Variants in GTF2A2 observed in about 807,000 individuals in gnomAD.
GTF2A2 encodes the protein general transcription factor IIA subunit 2, also known as transcription initiation factor IIA subunit 2.
In GTF2A2, 9 loss-of-function variants were observed where a neutral mutation model predicts 14.3. The observed-to-expected ratio is 0.63, with a 90% confidence interval of 0.38 to 1.10. The LOEUF is 1.10. Among genes scored for constraint, GTF2A2 ranks in the 50% least tolerant of loss-of-function variants. The pLI is 0.01. For synonymous variants in GTF2A2, 56 were observed against 46.0 expected (o/e 1.22, Z -0.88); for missense variants, 90 against 124.6 (o/e 0.72, Z 1.32).
chr15:59,640,703 T>C (rs1247610413), intron 4 of GTF2A2, among the ~76,000 whole-genome samples: 1 of 152,148 alleles, frequency 6.6e-6, no homozygotes, highest in East Asian at 1.9e-4. Context: ...CCCTGAATTC[T>C]ACAGACTAAT....
At chr15:59,653,186 G>A (rs1891845036) in intron 1 of GTF2A2, among the ~76,000 whole-genome samples, 1 of 152,096 alleles carries the variant, frequency 6.6e-6, no homozygotes, top group Admixed American at 6.5e-5. Context: ...AGACAGCTGG[G>A]CTTCAGTGCG....
rs1382504946 is a variant in GTF2A2 at position 59,638,727 on chromosome 15, G to C, written c.*405C>G. 2.0e-5 allele frequency: 3 copies of C among 152,532 alleles called. No individual in the cohort carries two copies. Among genetic ancestry groups the C allele is most frequent in the Admixed American group, 6.6e-5 (1 of 15,264 alleles). The allele number at this position is 152,532 out of a possible 1,614,324, so 9.4% of individuals were successfully genotyped here. A position where few individuals can be genotyped will look rare whatever the true frequency, so the allele number is the denominator to read the frequency against. ...TTTGCCCCTGCTGATGCTTTCATCA[G>C]GTAAAGTTACAACTGACAAAACATG... On this transcript the variant is annotated 3_prime_UTR_variant, in exon 5 of 5. Coordinates refer to ENST00000396060, the MANE Select transcript of GTF2A2 (RefSeq NM_004492.3).
intron 3 of GTF2A2, among the ~76,000 whole-genome samples, chr15:59,648,433 A>T (rs1394067759): frequency 6.6e-6 from 1 of 150,384 alleles, no homozygotes; most frequent in Non-Finnish European, 1.5e-5. Flanking sequence ...TAAATAAATA[A>T]ATAAAAGCCT....
At chr15:59,652,429 A>T in intron 1 of GTF2A2, 103 bp from the exon 2 acceptor site, 1 of 568,068 alleles carries the variant, frequency 1.8e-6, no homozygotes, top group South Asian at 2.2e-5. Context: ...GAACTAGGAG[A>T]ACGCTTAGTG....
intron 1 of GTF2A2, among the ~76,000 whole-genome samples, chr15:59,654,528 A>G (rs1891887319): frequency 6.6e-6 from 1 of 152,184 alleles, no homozygotes; most frequent in South Asian, 2.1e-4. Context: ...TGAAGCTAAC[A>G]TATATATGCT....
chr15:59,647,455 C>T (rs1891642494), intron 3 of GTF2A2, among the ~76,000 whole-genome samples: 1 of 152,126 alleles, frequency 6.6e-6, no homozygotes, highest in South Asian at 2.1e-4. Context: ...AAAGTTTCTT[C>T]TATAAGATAT....
chr15:59,654,866 T>A (rs1160606143), intron 1 of GTF2A2, among the ~76,000 whole-genome samples: 6 of 152,180 alleles, frequency 3.9e-5, no homozygotes, highest in African/African-American at 1.4e-4. Flanking sequence ...GCATCGTATA[T>A]ACTTAGTGAT....
At chr15:59,639,642 T>C (rs1595665254) in intron 4 of GTF2A2, among the ~76,000 whole-genome samples, 1 of 132,608 alleles carries the variant, frequency 7.5e-6, no homozygotes, top group South Asian at 3.4e-4. Context: ...TTTTGTACTT[T>C]AGAGACGGGG....
In GTF2A2 at chr15:59,642,256, G is replaced by A. The variant is rs372745095; in HGVS notation, c.184C>T (p.Leu62=). The change falls in exon 4 of 5, where the codon CTA becomes TTA. Residue 62 remains leucine (L), a synonymous_variant. Coordinates refer to ENST00000396060, the MANE Select transcript of GTF2A2 (RefSeq NM_004492.3). ...TTATCGCAGAATCTGTACGTATTTAGAGAGCCCTTTAAAACAAAACATTTA... is the reference window on the plus strand; with the variant it reads ...TTATCGCAGAATCTGTACGTATTTAAAGAGCCCTTTAAAACAAAACATTTA... ...VRNRVNFRGS[L]NTYRFCDNVW... 2 of 1,599,676 alleles carry A rather than the reference G, an allele frequency of 1.3e-6. No individual in the cohort carries two copies. The highest frequency in any genetic ancestry group is 1.3e-5 in the African/African-American group (1 of 74,220).
At chr15:59,646,757 C>T (rs1254336915) in intron 3 of GTF2A2, among the ~76,000 whole-genome samples, 1 of 150,904 alleles carries the variant, frequency 6.6e-6, no homozygotes, top group East Asian at 1.9e-4. Context: ...TGACAATTAA[C>T]ATCATCAAAG....
At position 59,638,956 on chromosome 15, in the gene GTF2A2, T is replaced by C; in HGVS notation, c.*176A>G. 1 of 585,720 alleles carries C rather than the reference T, an allele frequency of 1.7e-6. No individual in the cohort carries two copies. Among genetic ancestry groups the C allele is most frequent in the Non-Finnish European group, 3.1e-6 (1 of 321,086 alleles). The allele number at this position is 585,720 out of a possible 1,614,324, so 36.3% of individuals were successfully genotyped here. On this transcript the variant is annotated 3_prime_UTR_variant, in exon 5 of 5. Coordinates refer to ENST00000396060, the MANE Select transcript of GTF2A2 (RefSeq NM_004492.3). ...AAAAGTTATGGTTTTTCATGCTGTA[T>C]AATAAAGGTGATGTAAGAGGCTACA...
At chr15:59,642,632 T>C (rs1450896835) in intron 3 of GTF2A2, among the ~76,000 whole-genome samples, 1 of 152,262 alleles carries the variant, frequency 6.6e-6, no homozygotes, top group African/African-American at 2.4e-5. Context: ...TGTATGTTAA[T>C]TCTCCAAATG....
chr15:59,647,267 G>C (rs1217842302), intron 3 of GTF2A2, among the ~76,000 whole-genome samples: 2 of 151,824 alleles, frequency 1.3e-5, no homozygotes, highest in African/African-American at 4.8e-5. Context: ...TACTTTGTTT[G>C]TTTTGTTTGT....
intron 3 of GTF2A2, among the ~76,000 whole-genome samples, chr15:59,647,812 T>A (rs1891655594): frequency 6.6e-6 from 1 of 151,888 alleles, no homozygotes; most frequent in Non-Finnish European, 1.5e-5. Flanking sequence ...TCAAGTGATC[T>A]GCCCACCTTG....
At chr15:59,645,109 T>G (rs1891558614) in intron 3 of GTF2A2, among the ~76,000 whole-genome samples, 1 of 152,158 alleles carries the variant, frequency 6.6e-6, no homozygotes, top group South Asian at 2.1e-4. Flanking sequence ...ATGGTGGGGT[T>G]GGGGGACAGA....
At chr15:59,655,184 C>G (rs1409220600) in intron 1 of GTF2A2, among the ~76,000 whole-genome samples, 1 of 152,186 alleles carries the variant, frequency 6.6e-6, no homozygotes, top group African/African-American at 2.4e-5. Context: ...TTAGCAAACA[C>G]ATAGGTGGCT....
In GTF2A2 at chr15:59,650,786, A is replaced by G; in HGVS notation, c.73-13T>C. 1 of 1,333,134 alleles carries G rather than the reference A, an allele frequency of 7.5e-7. No homozygotes were observed. The highest frequency in any genetic ancestry group is 1.1e-6 in the Non-Finnish European group (1 of 927,586). 82.6% of individuals were successfully genotyped at this position (1,333,134 alleles called of 1,614,324 possible). On this transcript the variant is annotated splice_polypyrimidine_tract_variant and intron_variant, in intron 2 of 4. Transcript: ENST00000396060. ...TGATCTGTTGAGACTGAGAAAAGGT[A>G]AAGGTCATAAATCCCGTTAAGGAAG...
rs139952746 is a variant in GTF2A2, at chr15:59,642,833, C to A, written c.178-571G>T. On this transcript the variant is annotated intron_variant, in intron 3 of 4. Coordinates refer to ENST00000396060, the MANE Select transcript of GTF2A2 (RefSeq NM_004492.3). ...CCACGCTGGAGTGCAGTGGTGCGAT[C>A]TTGGCTCACTGCAACCTCCACCTCC... Among the ~76,000 whole-genome samples, 692 of 152,244 alleles carry A rather than the reference C, an allele frequency of 4.5e-3. 9 individuals are homozygous for A. Among genetic ancestry groups the A allele is most frequent in the African/African-American group, 0.016 (646 of 41,546 alleles).
At chr15:59,648,971 A>G (rs1031010152) in intron 3 of GTF2A2, among the ~76,000 whole-genome samples, 9 of 152,052 alleles carry the variant, frequency 5.9e-5, no homozygotes, top group African/African-American at 1.7e-4. Flanking sequence ...AAAACTATAA[A>G]ACAATTTAAC....
Sources: allele counts gnomAD v4.1 joint callset (sites outside exome capture counted in the v4.1 genomes callset), GRCh38; gene constraint gnomAD v4.1.1; transcripts MANE v1.5; gene names NCBI Gene and HGNC (gene_info 2026-07-23, HGNC 2026-07-21).